ILRUN: variants seen among roughly 807,000 people sequenced by gnomAD.
The protein encoded by ILRUN is protein ILRUN.
In ILRUN, 3 loss-of-function variants were observed where a neutral mutation model predicts 33.8. The ratio of observed to expected loss-of-function variants is 0.09; its 90% CI spans 0.04 to 0.23. The LOEUF (loss-of-function observed/expected upper bound fraction) is 0.23, where lower values mean the gene tolerates loss of function less well. Ranked by LOEUF, ILRUN falls within the 10% of genes least tolerant of loss-of-function variation. The probability of loss-of-function intolerance (pLI) is 1.00; values close to 1 mark genes in which losing one functional copy is unlikely to be tolerated. For synonymous variants in ILRUN, 124 were observed against 138.9 expected (o/e 0.89, Z 0.75); for missense variants, 210 against 375.1 (o/e 0.56, Z 3.64).
intron 3 of ILRUN, among the ~76,000 whole-genome samples, chr6:34,622,449 C>CTT (rs1201559118): frequency 6.6e-6 from 1 of 151,952 alleles, no homozygotes; most frequent in East Asian, 1.9e-4. Context: ...CCAATTAGCA[C>CTT]TTAAAAAGAT....
chr6:34,616,693 A>T, intron 3 of ILRUN: 1 of 878,360 alleles, frequency 1.1e-6, no homozygotes, highest in Non-Finnish European at 1.9e-6. Context: ...ATCACAAGGA[A>T]TATAAGCAGA....
intron 2 of ILRUN, among the ~76,000 whole-genome samples, chr6:34,647,967 G>A (rs573803777): frequency 2.0e-5 from 3 of 152,186 alleles, no homozygotes; most frequent in Non-Finnish European, 4.4e-5. Flanking sequence ...CCAAAGTGCT[G>A]GGATTACAGG....
At chr6:34,628,329 C>CTT (rs1267121949) in intron 3 of ILRUN, among the ~76,000 whole-genome samples, 9 of 145,674 alleles carry the variant, frequency 6.2e-5, no homozygotes, top group African/African-American at 1.5e-4. Flanking sequence ...CCTTTTTACA[C>CTT]TTTTTTTTTT....
intron 1 of ILRUN, among the ~76,000 whole-genome samples, chr6:34,676,771 AT>A (rs1763243549): frequency 9.2e-6 from 1 of 108,704 alleles, no homozygotes; most frequent in South Asian, 2.6e-4. Flanking sequence ...GAAACACAAA[AT>A]AAAACAAGTA....
rs776332948 is a variant in ILRUN, at chr6:34,646,550, T to C, written c.511+51A>G. ...TCTGTGAGCAACACTGGGGATGTTATAAGATGTTACCTTAGTTCCTTTACC... is the reference window on the plus strand; with the variant it reads ...TCTGTGAGCAACACTGGGGATGTTACAAGATGTTACCTTAGTTCCTTTACC... On this transcript the variant is annotated intron_variant, in intron 3 of 4. Coordinates refer to ENST00000374023, the MANE Select transcript of ILRUN (RefSeq NM_024294.4). The surrounding 1 kb of genome is among the most constrained non-coding windows in gnomAD (Gnocchi z 4.9). The C allele has an allele frequency of 4.4e-6, 7 of 1,576,690 alleles. No homozygotes were observed. Among genetic ancestry groups the C allele is most frequent in the South Asian group, 2.2e-5 (2 of 90,070 alleles).
chr6:34,695,597 T>A (rs947012823), intron 1 of ILRUN, among the ~76,000 whole-genome samples: 1 of 152,184 alleles, frequency 6.6e-6, no homozygotes, highest in African/African-American at 2.4e-5. Context: ...ATCTGTCAAC[T>A]TAGCTTTCTT....
At chr6:34,628,124 G>A (rs1370595942) in intron 3 of ILRUN, among the ~76,000 whole-genome samples, 1 of 150,718 alleles carries the variant, frequency 6.6e-6, no homozygotes, top group Non-Finnish European at 1.5e-5. Context: ...GGGTTCAAAC[G>A]ATTCTCCTGC....
chr6:34,689,935 C>T (rs919937861), intron 1 of ILRUN, among the ~76,000 whole-genome samples: 2 of 151,834 alleles, frequency 1.3e-5, no homozygotes, highest in Non-Finnish European at 2.9e-5. Flanking sequence ...CTGCAGGCAA[C>T]CTAGGATGTT....
intron 3 of ILRUN, among the ~76,000 whole-genome samples, chr6:34,613,080 G>A (rs989250309): frequency 6.6e-6 from 1 of 151,930 alleles, no homozygotes; most frequent in African/African-American, 2.4e-5. Context: ...ATGTGGTGGT[G>A]TGCACCTGTA....
rs142210934 is a variant in ILRUN at position 34,682,297 on chromosome 6, G to A, written c.158+14149C>T. On this transcript the variant is annotated intron_variant, in intron 1 of 4. Coordinates refer to ENST00000374023, the MANE Select transcript of ILRUN (RefSeq NM_024294.4). ...TTTTTTGAGACAGTCTCGCTCTGTC[G>A]CCCAGGCTGGAGTGCGGTGGCGCGA... Among the ~76,000 whole-genome samples, 956 of 127,450 alleles carry A rather than the reference G, an allele frequency of 7.5e-3. 18 individuals carry two copies. Among genetic ancestry groups the A allele is most frequent in the African/African-American group, 0.027 (906 of 34,118 alleles). 83.6% of individuals were successfully genotyped at this position (127,450 alleles called of 152,430 possible).
chr6:34,624,139 C>A (rs1388965906), intron 3 of ILRUN, among the ~76,000 whole-genome samples: 1 of 150,972 alleles, frequency 6.6e-6, no homozygotes, highest in Non-Finnish European at 1.5e-5. Context: ...GCCTCCTTCA[C>A]CAATTCTGGT....
intron 1 of ILRUN, among the ~76,000 whole-genome samples, chr6:34,682,699 C>T (rs966011683): frequency 6.6e-6 from 1 of 151,938 alleles, no homozygotes; most frequent in South Asian, 2.1e-4. Flanking sequence ...GCCTCAAACT[C>T]CTAGACTCAC....
chr6:34,629,376 C>T (rs1762200768), intron 3 of ILRUN, among the ~76,000 whole-genome samples: 2 of 152,108 alleles, frequency 1.3e-5, no homozygotes, highest in Admixed American at 1.3e-4. Flanking sequence ...CCTATGTTGG[C>T]CATGTGGTCT....
intron 3 of ILRUN, among the ~76,000 whole-genome samples, chr6:34,630,063 T>C (rs1295810568): frequency 6.6e-6 from 1 of 152,154 alleles, no homozygotes; most frequent in Non-Finnish European, 1.5e-5. Flanking sequence ...TTTGGGGCCA[T>C]TATTAAGTAA....
intron 3 of ILRUN, among the ~76,000 whole-genome samples, chr6:34,614,428 T>TAAAA (rs1457803034): frequency 3.7e-5 from 4 of 109,052 alleles, no homozygotes; most frequent in African/African-American, 1.8e-4. Context: ...TCTCAAAAAA[T>TAAAA]AATAAAAAAA....
intron 3 of ILRUN, among the ~76,000 whole-genome samples, chr6:34,634,266 A>C (rs369982131): frequency 6.6e-6 from 1 of 152,302 alleles, no homozygotes; most frequent in East Asian, 1.9e-4. Flanking sequence ...AAATAAAAAT[A>C]CATTTCTGCA....
At chr6:34,615,392 T>G (rs758269601) in intron 3 of ILRUN, among the ~76,000 whole-genome samples, 1 of 151,182 alleles carries the variant, frequency 6.6e-6, no homozygotes, top group Non-Finnish European at 1.5e-5. Flanking sequence ...GGTCAGGAGT[T>G]CAAGACCAGC....
At chr6:34,665,627 T>C (rs557938789) in intron 1 of ILRUN, among the ~76,000 whole-genome samples, 2 of 152,024 alleles carry the variant, frequency 1.3e-5, no homozygotes, top group Non-Finnish European at 2.9e-5. Flanking sequence ...TAGGGTCTTG[T>C]TACATTTCAC....
intron 1 of ILRUN, among the ~76,000 whole-genome samples, chr6:34,661,213 A>G (rs572049052): frequency 1.1e-4 from 17 of 152,330 alleles, no homozygotes; most frequent in African/African-American, 4.1e-4. Context: ...GTATTAGGTA[A>G]TAGTACATAG....
Sources: gnomAD v4.1 joint callset for allele counts (sites outside exome capture counted in the v4.1 genomes callset) on GRCh38, gnomAD v4.1.1 for gene constraint, Gnocchi (gnomAD v3.1) non-coding constraint, MANE v1.5 for transcripts, NCBI Gene and HGNC (gene_info 2026-07-23, HGNC 2026-07-21) for gene names.